SWT1: variants seen among roughly 807,000 people sequenced by gnomAD.
SWT1 encodes the protein SWT1 RNA endoribonuclease homolog.
Under a neutral mutation model 107.3 loss-of-function variants are expected in SWT1, and 33 were observed. That is an observed-to-expected ratio of 0.31 (90% CI 0.23 to 0.41). The LOEUF (loss-of-function observed/expected upper bound fraction) is 0.41. Among genes scored for constraint, SWT1 ranks in the 10% least tolerant of loss-of-function variants. SWT1 has a pLI of 1.00. For missense variants in SWT1, 898 were observed against 1,028.9 expected (o/e 0.87, Z 1.74); for synonymous variants, 345 against 348.3 (o/e 0.99, Z 0.11).
At chr1:185,275,709 TACAGTGAATGAA>T (rs1664196439) in intron 17 of SWT1, among the ~76,000 whole-genome samples, 1 of 151,946 alleles carries the variant, frequency 6.6e-6, no homozygotes, top group South Asian at 2.1e-4. Context: ...TTTTTAAACT[TACAGTGAATGAA>T]ACATTTTCTA....
At chr1:185,246,254 A>G (rs1661598529) in intron 16 of SWT1, among the ~76,000 whole-genome samples, 1 of 152,066 alleles carries the variant, frequency 6.6e-6, no homozygotes, top group Non-Finnish European at 1.5e-5. Flanking sequence ...GGACAGATCT[A>G]TCCTGATTAG....
intron 16 of SWT1, among the ~76,000 whole-genome samples, chr1:185,233,904 C>T (rs1289125474): frequency 1.3e-5 from 2 of 152,106 alleles, no homozygotes; most frequent in African/African-American, 4.8e-5. Flanking sequence ...CCACCATGCC[C>T]AGCTAATTTT....
At chr1:185,169,601 A>G (rs1654876503) in intron 4 of SWT1, among the ~76,000 whole-genome samples, 1 of 152,100 alleles carries the variant, frequency 6.6e-6, no homozygotes, top group Non-Finnish European at 1.5e-5. Flanking sequence ...CAGTAAAAAT[A>G]TAAGCAAGAA....
Position 185,202,770 on chromosome 1 carries a change from C to A in SWT1, c.1640C>A (p.Pro547His). 1 of 1,569,244 alleles carries A rather than the reference C, an allele frequency of 6.4e-7. No homozygotes were observed. Among genetic ancestry groups the A allele is most frequent in the Non-Finnish European group, 8.6e-7 (1 of 1,156,958 alleles). The change falls in exon 11 of 19, where the codon CCT (proline) becomes CAT (histidine). Residue 547 changes from proline to histidine, a missense_variant. Around this residue, in one of 6 missense-constraint regions of SWT1, gnomAD observed 382 missense variants for 460.0 expected, o/e 0.83. Coordinates refer to ENST00000367500, the MANE Select transcript of SWT1 (RefSeq NM_017673.7). Reference protein sequence around the residue: ...LSLNTDVCHQPCIPKQQLKAE... With the variant: ...LSLNTDVCHQHCIPKQQLKAE... ...CTGAACACAGATGTGTGTCATCAGC[C>A]TTGTATTCCTAAGCAACAGTTGAAA... is the stretch of plus-strand genomic sequence containing the variant.
chr1:185,174,337 T>G, intron 4 of SWT1, 35 bp from the exon 5 acceptor site: 1 of 1,476,966 alleles, frequency 6.8e-7, no homozygotes, highest in Non-Finnish European at 9.0e-7. Flanking sequence ...TATGTATAAT[T>G]ATAATGTAAC....
chr1:185,254,699 T>C (rs2102662407), intron 16 of SWT1, among the ~76,000 whole-genome samples: 1 of 152,170 alleles, frequency 6.6e-6, no homozygotes, highest in East Asian at 1.9e-4. Flanking sequence ...GCTAGCAGTC[T>C]ATCAATTTTG....
intron 4 of SWT1, chr1:185,171,717 A>G: frequency 2.1e-6 from 1 of 469,302 alleles, no homozygotes; most frequent in Non-Finnish European, 4.2e-6. Context: ...CCATGGTGGC[A>G]GTGAAGGCAG....
In SWT1 at chr1:185,160,908, C is replaced by T; in HGVS notation, c.67C>T (p.Pro23Ser). The T allele has an allele frequency of 1.9e-6, 3 of 1,612,138 alleles. No individual in the cohort carries two copies. Among genetic ancestry groups the T allele is most frequent in the Non-Finnish European group, 2.5e-6 (3 of 1,179,074 alleles). Residue 23 changes from proline (P) to serine (S), a missense_variant, in exon 2 of 19, where the codon CCC becomes TCC. This residue lies in a region of SWT1 where 382 missense variants were observed against 362.4 expected (regional missense o/e 1.05). Coordinates refer to ENST00000367500, the MANE Select transcript of SWT1 (RefSeq NM_017673.7). The stretch of plus-strand genomic sequence containing the variant: ...GAGGAAAGACACCACCACCTCATCA[C>T]CCAATTTTGGTGAAAAAGTAAGAAT... ...SQRKDTTTSS[P>S]NFGEKDKKER...
At chr1:185,223,078 G>T (rs1216085583) in intron 15 of SWT1, among the ~76,000 whole-genome samples, 1 of 152,190 alleles carries the variant, frequency 6.6e-6, no homozygotes, top group Non-Finnish European at 1.5e-5. Flanking sequence ...TAATGGGATT[G>T]CTGGATCATA....
intron 16 of SWT1, among the ~76,000 whole-genome samples, chr1:185,260,528 T>C (rs932736591): frequency 3.3e-5 from 5 of 152,146 alleles, no homozygotes; most frequent in African/African-American, 1.2e-4. Flanking sequence ...TAAGATATGG[T>C]TTAAAAGTGT....
At chr1:185,244,852 A>T (rs1287589694) in intron 16 of SWT1, among the ~76,000 whole-genome samples, 2 of 152,146 alleles carry the variant, frequency 1.3e-5, no homozygotes, top group African/African-American at 4.8e-5. Flanking sequence ...AGGCCAAGGC[A>T]GGGGGTTTGC....
In SWT1 at chr1:185,285,684, T is replaced by C. The variant is rs191489359; in HGVS notation, c.2574-4990T>C. ...AGTTTTAGCTCTTACAGTTAGGCCA[T>C]TGATCCATTTTGAGTTAATTTTTGT... On this transcript the variant is annotated intron_variant, in intron 18 of 18. Coordinates refer to ENST00000367500, the MANE Select transcript of SWT1 (RefSeq NM_017673.7). 4.2e-3 allele frequency among the ~76,000 whole-genome samples: 642 copies of C among 152,330 alleles called. 5 individuals carry two copies. The highest frequency in any genetic ancestry group is 0.015 in the African/African-American group (603 of 41,578).
At chr1:185,214,430 ATATTAGTGT>A (rs937793011) in intron 13 of SWT1, 68 bp from the exon 14 acceptor site, 1 of 1,131,930 alleles carries the variant, frequency 8.8e-7, no homozygotes, top group Non-Finnish European at 1.3e-6. Context: ...TTCAAAATTA[ATATTAGTGT>A]TCCAAAGACA....
rs184786230 is a variant in SWT1 at position 185,220,389 on chromosome 1, T to G, written c.2122-1460T>G. On this transcript the variant is annotated intron_variant, in intron 14 of 18. Coordinates refer to ENST00000367500, the MANE Select transcript of SWT1 (RefSeq NM_017673.7). ...TGATTATCAAAATTACCCTTTTCTC[T>G]TTCTTATTCTTCTTCTCAGTCCTTC... Among the ~76,000 whole-genome samples the G allele has an allele frequency of 4.8e-3, 730 of 152,184 alleles. 4 individuals carry two copies. The highest frequency in any genetic ancestry group is 0.01 in the Middle Eastern group (3 of 292).
chr1:185,253,677 C>T lies in SWT1; in HGVS notation c.2442-17646C>T, dbSNP rs558378166. On this transcript the variant is annotated intron_variant, in intron 16 of 18. Transcript: ENST00000367500. Reference sequence around the variant, plus strand: ...TTGCTTATCCGCTTAAGGAGATTTTCGGCTGAGACGATGGGGTTTTCTAGA... The same window carrying T: ...TTGCTTATCCGCTTAAGGAGATTTTTGGCTGAGACGATGGGGTTTTCTAGA... 6.4e-3 allele frequency among the ~76,000 whole-genome samples: 976 copies of T among 152,108 alleles called. 8 individuals carry two copies. The highest frequency in any genetic ancestry group is 0.021 in the African/African-American group (875 of 41,432).
chr1:185,234,497 T>C (rs957861554), intron 16 of SWT1, among the ~76,000 whole-genome samples: 1 of 152,218 alleles, frequency 6.6e-6, no homozygotes, highest in Non-Finnish European at 1.5e-5. Flanking sequence ...TTTGAGCCTG[T>C]GTGTGTCTTT....
Position 185,290,299 on chromosome 1 carries a change from G to A in SWT1, c.2574-375G>A, listed in dbSNP as rs149024533. On this transcript the variant is annotated intron_variant, in intron 18 of 18. Coordinates refer to ENST00000367500, the MANE Select transcript of SWT1 (RefSeq NM_017673.7). ...TCTTTTAAAAATAATAACTAAGGCT[G>A]GGCGTGGTGGCTCATGCATGTAATC... Among the ~76,000 whole-genome samples the A allele has an allele frequency of 1.7e-3, 259 of 151,954 alleles. 2 individuals carry two copies. The highest frequency in any genetic ancestry group is 6.0e-3 in the African/African-American group (247 of 41,460).
chr1:185,287,998 T>C (rs1481518631), intron 18 of SWT1, among the ~76,000 whole-genome samples: 1 of 152,174 alleles, frequency 6.6e-6, no homozygotes, highest in Non-Finnish European at 1.5e-5. Flanking sequence ...GTCTAGTTAC[T>C]GAAGGATATT....
chr1:185,261,911 C>T (rs1047751538), intron 16 of SWT1, among the ~76,000 whole-genome samples: 28 of 152,056 alleles, frequency 1.8e-4, no homozygotes, highest in African/African-American at 5.8e-4. Flanking sequence ...GTCTCTGCAT[C>T]TAGTGAGGTA....
Sources: allele counts gnomAD v4.1 joint callset (sites outside exome capture counted in the v4.1 genomes callset), GRCh38; gene constraint gnomAD v4.1.1; regional missense constraint gnomAD v4.1.1; transcripts MANE v1.5; gene names NCBI Gene and HGNC (gene_info 2026-07-23, HGNC 2026-07-21).